Variants in IQSEC1 observed in about 807,000 individuals in gnomAD.
IQSEC1 encodes the protein IQ motif and Sec7 domain ArfGEF 1.
In IQSEC1, 31 loss-of-function variants were observed where a neutral mutation model predicts 91.0. The observed-to-expected ratio is 0.34, with a 90% confidence interval of 0.26 to 0.46. The LOEUF (loss-of-function observed/expected upper bound fraction) is 0.46. Among genes scored for constraint, IQSEC1 ranks in the 20% least tolerant of loss-of-function variants. The probability of loss-of-function intolerance (pLI) is 1.00; values close to 1 mark genes in which losing one functional copy is unlikely to be tolerated. For missense variants in IQSEC1, 1,388 were observed against 1,575.6 expected (o/e 0.88, Z 2.02); for synonymous variants, 699 against 662.6 (o/e 1.05, Z -0.84).
intron 1 of IQSEC1, among the ~76,000 whole-genome samples, chr3:13,170,388 G>A (rs1693583875): frequency 6.6e-6 from 1 of 152,240 alleles, no homozygotes; most frequent in Non-Finnish European, 1.5e-5. Context: ...CTCTGCTTAG[G>A]CAGTGTGGAA....
chr3:13,266,635 C>G (rs893636816), intron 1 of IQSEC1, among the ~76,000 whole-genome samples: 16 of 151,036 alleles, frequency 1.1e-4, no homozygotes, highest in African/African-American at 3.9e-4. Flanking sequence ...GGGAGAAATA[C>G]GGAAAACCGC....
chr3:13,229,129 CAG>C (rs1349859267), intron 1 of IQSEC1, among the ~76,000 whole-genome samples: 2 of 152,196 alleles, frequency 1.3e-5, no homozygotes, highest in Admixed American at 1.3e-4. Flanking sequence ...TGGCACAGCA[CAG>C]AACAGAGTAA....
intron 1 of IQSEC1, among the ~76,000 whole-genome samples, chr3:13,206,280 A>G (rs993865009): frequency 2.6e-4 from 39 of 152,052 alleles, no homozygotes; most frequent in African/African-American, 9.4e-4. Flanking sequence ...TCAGGCATCT[A>G]CTAGGGGTTG....
chr3:13,065,051 G>C (rs889863126), intron 1 of IQSEC1, among the ~76,000 whole-genome samples: 1 of 152,244 alleles, frequency 6.6e-6, no homozygotes, highest in South Asian at 2.1e-4. Context: ...CCCTTCTCCT[G>C]CCTGGGGAAG....
rs368076756 is a variant in IQSEC1 at position 13,000,992 on chromosome 3, T to C, written c.24-59127A>G. On this transcript the variant is annotated intron_variant, in intron 1 of 13. Coordinates refer to ENST00000613206, the MANE Select transcript of IQSEC1 (RefSeq NM_001134382.3). ...TTGAGACAGAGGCGTGTGCTGTCAC[T>C]CAGGCTGGAGTACAGTGGCTCGACT... Among the ~76,000 whole-genome samples, 155 of 141,926 alleles carry C rather than the reference T, an allele frequency of 1.1e-3. 1 individual carries two copies. Among genetic ancestry groups the C allele is most frequent in the African/African-American group, 3.7e-3 (137 of 37,428 alleles). The allele number at this position is 141,926 out of a possible 152,430, so 93.1% of individuals were successfully genotyped here. A position where few individuals can be genotyped will look rare whatever the true frequency, so the allele number is the denominator to read the frequency against.
intron 1 of IQSEC1, among the ~76,000 whole-genome samples, chr3:13,205,142 G>C (rs933420391): frequency 1.3e-5 from 2 of 152,032 alleles, no homozygotes; most frequent in Non-Finnish European, 2.9e-5. Context: ...ATGCTTTCCT[G>C]TGCTGACTTG....
At chr3:12,902,238 C>G (rs1694395156) in intron 13 of IQSEC1, among the ~76,000 whole-genome samples, 1 of 152,166 alleles carries the variant, frequency 6.6e-6, no homozygotes, top group Non-Finnish European at 1.5e-5. Flanking sequence ...CTCTTTCTCT[C>G]AAGACACTCC....
chr3:12,901,331 C>T lies in IQSEC1; in HGVS notation c.2997G>A (p.Val999=). ...CAGAGTGCTGCAAGTGAGGCAGGAC[C>T]ACCGGTGGGTGGGGGGGTGGCAGGG... ...APALPPPHPP[V]VLPHLQHSVA... is the part of the protein sequence containing the mutation. Residue 999 remains valine (V), a synonymous_variant, in exon 14 of 14, where the codon GTG becomes GTA. Coordinates refer to ENST00000613206, the MANE Select transcript of IQSEC1 (RefSeq NM_001134382.3). 6 of 1,532,604 alleles carry T rather than the reference C, an allele frequency of 3.9e-6. No homozygotes were observed. Among genetic ancestry groups the T allele is most frequent in the South Asian group, 1.2e-5 (1 of 83,690 alleles). The allele number at this position is 1,532,604 out of a possible 1,614,324, so 94.9% of individuals were successfully genotyped here.
chr3:12,991,038 T>G (rs1179204870), intron 1 of IQSEC1, among the ~76,000 whole-genome samples: 3 of 152,180 alleles, frequency 2.0e-5, no homozygotes, highest in Non-Finnish European at 4.4e-5. Flanking sequence ...TTTTCCAAAC[T>G]GACGCTTGCT....
intron 1 of IQSEC1, chr3:12,987,023 G>A: frequency 2.3e-6 from 1 of 442,958 alleles, no homozygotes. Context: ...CCGCAGCCTG[G>A]CTGGCTTCTC....
chr3:13,056,113 C>T (rs1704870974), intron 1 of IQSEC1, among the ~76,000 whole-genome samples: 1 of 152,212 alleles, frequency 6.6e-6, no homozygotes, highest in Non-Finnish European at 1.5e-5. Context: ...ATCAAGGCCT[C>T]ACCATGTGGC....
chr3:13,015,058 G>C (rs1024868721), intron 1 of IQSEC1, among the ~76,000 whole-genome samples: 1 of 152,200 alleles, frequency 6.6e-6, no homozygotes, highest in African/African-American at 2.4e-5. Context: ...TAGGGTTGAG[G>C]GGGGCAGCAG....
chr3:13,116,258 G>C (rs984303200), intron 2 of IQSEC1, among the ~76,000 whole-genome samples: 6 of 152,210 alleles, frequency 3.9e-5, no homozygotes, highest in African/African-American at 1.2e-4. Context: ...GTGCAGGTAG[G>C]AGCTATATGT....
chr3:12,900,805 C>A lies in IQSEC1; in HGVS notation c.*178G>T. On this transcript the variant is annotated 3_prime_UTR_variant, in exon 14 of 14. Coordinates refer to ENST00000613206, the MANE Select transcript of IQSEC1 (RefSeq NM_001134382.3). ...TGCCAACAAGAAATGAAATCTGGGC[C>A]TTTGTTCCACACAACACCAGCCCTG... The A allele has an allele frequency of 6.8e-7, 1 of 1,461,594 alleles. No homozygotes were observed. Among genetic ancestry groups the A allele is most frequent in the South Asian group, 1.4e-5 (1 of 71,226 alleles). The allele number at this position is 1,461,594 out of a possible 1,614,324, so 90.5% of individuals were successfully genotyped here.
chr3:12,965,076 T>G (rs1341857981), intron 1 of IQSEC1, among the ~76,000 whole-genome samples: 1 of 152,192 alleles, frequency 6.6e-6, no homozygotes, highest in African/African-American at 2.4e-5. Flanking sequence ...CATCACAACA[T>G]TGGGGTTCTC....
intron 1 of IQSEC1, among the ~76,000 whole-genome samples, chr3:12,974,839 T>C (rs919156133): frequency 5.3e-5 from 8 of 152,200 alleles, no homozygotes; most frequent in African/African-American, 1.9e-4. Flanking sequence ...GGAGGACACT[T>C]ATGCTGGGTG....
At chr3:13,175,409 G>T (rs536188862) in intron 1 of IQSEC1, among the ~76,000 whole-genome samples, 28 of 152,178 alleles carry the variant, frequency 1.8e-4, no homozygotes, top group Non-Finnish European at 3.7e-4. Flanking sequence ...CAGGAGGCCG[G>T]CTGTAGTTCA....
intron 1 of IQSEC1, among the ~76,000 whole-genome samples, chr3:13,197,334 CA>C (rs1057031055): frequency 6.6e-6 from 1 of 152,206 alleles, no homozygotes; most frequent in Non-Finnish European, 1.5e-5. Context: ...GATGCATGGC[CA>C]GGGGCGCTGG....
intron 12 of IQSEC1, among the ~76,000 whole-genome samples, chr3:12,903,893 G>T (rs1694668197): frequency 6.6e-6 from 1 of 152,198 alleles, no homozygotes. Context: ...TCAGAGAGAG[G>T]AACACTGAGG....
Sources: gnomAD v4.1 joint callset for allele counts (sites outside exome capture counted in the v4.1 genomes callset) on GRCh38, gnomAD v4.1.1 for gene constraint, MANE v1.5 for transcripts, NCBI Gene and HGNC (gene_info 2026-07-23, HGNC 2026-07-21) for gene names.